Variants in TMEM80 observed in about 807,000 individuals in gnomAD.
The protein encoded by TMEM80 is transmembrane protein 80.
In TMEM80, 16 loss-of-function variants were observed where a neutral mutation model predicts 13.6. That is an observed-to-expected ratio of 1.17 (90% CI 0.79 to 1.78). TMEM80 has a LOEUF of 1.78. Ranked by LOEUF, TMEM80 falls within the 40% of genes most tolerant of loss-of-function variation. TMEM80 has a pLI of 0.00. For missense variants in TMEM80, 167 were observed against 184.6 expected, an observed-to-expected ratio of 0.90 and a Z score of 0.55; for synonymous variants, 92 against 89.5, an observed-to-expected ratio of 1.03 and a Z score of -0.16.
intron 3 of TMEM80, 148 bp downstream of exon 3, chr11:700,383 C>T (rs1432127854): frequency 3.5e-5 from 28 of 803,226 alleles, no homozygotes; most frequent in Middle Eastern, 3.6e-4. Context: ...AAAAAGTAGC[C>T]GGGCGTGGTG....
At chr11:699,154 G>A (rs1861333300) in intron 2 of TMEM80, 1 of 490,282 alleles carries the variant, frequency 2.0e-6, no homozygotes. Flanking sequence ...ACCTGCCTCT[G>A]TCTCGGCCGC....
chr11:696,563 G>A lies in TMEM80; in HGVS notation c.19+717G>A, dbSNP rs886553226. ...GGAAGCCGAGGCTGCAGGATCATTT[G>A]AGGCCAGCCTGGGCAACATAGCAAG... On this transcript the variant is annotated intron_variant, in intron 1 of 4. Transcript: ENST00000397510. 3.9e-5 allele frequency among the ~76,000 whole-genome samples: 6 copies of A among 152,100 alleles called. No individual in the cohort carries two copies. In the East Asian group the frequency reaches 1.2e-3, roughly 29 times the overall value.
At position 703,275 on chromosome 11, in the gene TMEM80, T is replaced by G; in HGVS notation, c.*125T>G. On this transcript the variant is annotated 3_prime_UTR_variant, in exon 5 of 5. Transcript: ENST00000397510. Reference sequence around the variant, plus strand: ...CCTAGTGACTGGCCATAGATGGTTTTGGATGGTTCCATCTGTTCTGGCAGG... The same window carrying G: ...CCTAGTGACTGGCCATAGATGGTTTGGGATGGTTCCATCTGTTCTGGCAGG... The G allele has an allele frequency of 6.9e-7, 1 of 1,445,424 alleles. No homozygotes were observed. The highest frequency in any genetic ancestry group is 2.5e-5 in the East Asian group (1 of 39,660). The allele number at this position is 1,445,424 out of a possible 1,614,324, so 89.5% of individuals were successfully genotyped here. A position where few individuals can be genotyped will look rare whatever the true frequency, so the allele number is the denominator to read the frequency against.
At chr11:702,840 G>C in intron 4 of TMEM80, 105 bp from the exon 5 acceptor site, 5 of 1,140,340 alleles carry the variant, frequency 4.4e-6, no homozygotes, top group Non-Finnish European at 6.2e-6. Context: ...GAGGAACGTA[G>C]GGCAAGGAGC....
At chr11:699,211 T>A in intron 2 of TMEM80, 1 of 431,932 alleles carries the variant, frequency 2.3e-6, no homozygotes, top group East Asian at 3.7e-5. Flanking sequence ...TAGATTCATT[T>A]TATTTTATTT....
intron 2 of TMEM80, chr11:699,852 G>A (rs7480436): frequency 0.63 from 220,035 of 351,486 alleles, 69,947 homozygotes; most frequent in East Asian, 0.78. Flanking sequence ...TGTGGAGGCT[G>A]TCCCCTGACC....
chr11:699,926 G>C (rs896388437), intron 2 of TMEM80: 1 of 549,726 alleles, frequency 1.8e-6, no homozygotes, highest in East Asian at 3.1e-5. Flanking sequence ...GTGGCATGGA[G>C]GGGGGTCCCA....
At position 700,228 on chromosome 11, in the gene TMEM80, G is replaced by A. The variant is rs201741407; in HGVS notation, c.126G>A (p.Thr42=). The part of the protein sequence containing the change: ...LYFLATLLMI[T]YKSQVFSYPH... ...TCCTCGCCACGCTCCTGATGATCACGTATAAAAGTAAGTCAGGGACGGGCA... is the reference window on the plus strand; with the variant it reads ...TCCTCGCCACGCTCCTGATGATCACATATAAAAGTAAGTCAGGGACGGGCA... Residue 42 remains threonine, a synonymous_variant, in exon 3 of 5, where the codon ACG becomes ACA. Coordinates refer to ENST00000397510, the MANE Select transcript of TMEM80 (RefSeq NM_001042463.3). 19 of 1,613,210 alleles carry A rather than the reference G, an allele frequency of 1.2e-5. No individual in the cohort carries two copies. In the African/African-American group the frequency reaches 1.2e-4, roughly 10 times the overall value.
In TMEM80 at chr11:700,647, G is replaced by C; in HGVS notation, c.166G>C (p.Val56Leu). The C allele has an allele frequency of 6.2e-7, 1 of 1,614,132 alleles. No homozygotes were observed. Among genetic ancestry groups the C allele is most frequent in the East Asian group, 2.2e-5 (1 of 44,892 alleles). ...QVFSYPHRYL[V>L]LDLALLFLMG... ...GTTCAGCTATCCTCACCGCTACCTG[G>C]TCCTCGATCTTGCTCTGCTGTTTCT... Residue 56 changes from valine to leucine, a missense_variant, in exon 4 of 5, where the codon GTC (valine) becomes CTC (leucine). Val to Leu is a conservative substitution (Grantham distance 32). Coordinates refer to ENST00000397510, the MANE Select transcript of TMEM80 (RefSeq NM_001042463.3).
rs1295467094 is a variant in TMEM80 at position 697,015 on chromosome 11, T to G, written c.19+1169T>G. On this transcript the variant is annotated intron_variant, in intron 1 of 4. Transcript: ENST00000397510. ...AATTGCTCGAACCCGGTGGTGGTGG[T>G]GGGGGGGGTGGGGTGCGGAGGTTGC... Among the ~76,000 whole-genome samples, 191 of 73,092 alleles carry G rather than the reference T, an allele frequency of 2.6e-3. 1 individual carries two copies. Among genetic ancestry groups the G allele is most frequent in the East Asian group, 0.025 (56 of 2,212 alleles). The allele number at this position is 73,092 out of a possible 152,430, so 48.0% of individuals were successfully genotyped here.
At chr11:701,652 G>A (rs541207954) in intron 4 of TMEM80, among the ~76,000 whole-genome samples, 17 of 151,750 alleles carry the variant, frequency 1.1e-4, no homozygotes, top group African/African-American at 3.9e-4. Flanking sequence ...CTCCTGATCC[G>A]CCCACCTCGG....
Position 698,891 on chromosome 11 carries a change from A to T in TMEM80, c.39+3A>T. On this transcript the variant is annotated splice_donor_region_variant and intron_variant, in intron 2 of 4. Coordinates refer to ENST00000397510, the MANE Select transcript of TMEM80 (RefSeq NM_001042463.3). ...CAGGGAGAGGATCCTCCACAGTGGT[A>T]TCCTGCTGCGTGCCCCTCCAGGACA... 1 of 1,614,104 alleles carries T rather than the reference A, an allele frequency of 6.2e-7. No homozygotes were observed. The highest frequency in any genetic ancestry group is 1.1e-5 in the South Asian group (1 of 91,086).
At chr11:702,501 A>G (rs975184554) in intron 4 of TMEM80, among the ~76,000 whole-genome samples, 4 of 152,202 alleles carry the variant, frequency 2.6e-5, no homozygotes, top group African/African-American at 7.2e-5. Flanking sequence ...TTTGTTTGCT[A>G]AATACGCAGT....
At chr11:696,851 G>A (rs2133449590) in intron 1 of TMEM80, among the ~76,000 whole-genome samples, 1 of 99,538 alleles carries the variant, frequency 1.0e-5, no homozygotes, top group Non-Finnish European at 2.2e-5. Context: ...AGGCCAAAGC[G>A]GGCGGATCAC....
intron 1 of TMEM80, among the ~76,000 whole-genome samples, chr11:696,315 C>T (rs1861154969): frequency 1.3e-5 from 2 of 152,052 alleles, no homozygotes; most frequent in African/African-American, 4.8e-5. Flanking sequence ...CCGCCTTCTG[C>T]TGTCTGTGGG....
chr11:700,744 A>G (rs1040811847), intron 4 of TMEM80, 37 bp downstream of exon 4: 1 of 1,542,790 alleles, frequency 6.5e-7, no homozygotes. Flanking sequence ...AACCTGTCCT[A>G]AGAGTTGCTA....
rs1564963811 is a variant in TMEM80, at chr11:702,949, C to T, written c.231C>T (p.Thr77=). ...ILEAVRLYLG[T]RGNLTEAERP... The stretch of plus-strand genomic sequence containing the variant: ...CCCCTTTGCTCTGTTCTCCAGGCAC[C>T]AGGGGCAACCTGACAGAGGCTGAGA... Residue 77 remains threonine, a synonymous_variant, in exon 5 of 5, where the codon ACC becomes ACT. Transcript: ENST00000397510. 6.2e-7 allele frequency: 1 copy of T among 1,606,032 alleles called. No homozygotes were observed. The highest frequency in any genetic ancestry group is 1.7e-5 in the Admixed American group (1 of 59,782).
At chr11:701,149 C>T (rs772037644) in intron 4 of TMEM80, 68 of 201,900 alleles carry the variant, frequency 3.4e-4, no homozygotes, top group Non-Finnish European at 6.2e-4. Flanking sequence ...CCCACTCCAG[C>T]TCTAGGGATC....
At chr11:697,055 G>A (rs1257901847) in intron 1 of TMEM80, among the ~76,000 whole-genome samples, 1 of 150,156 alleles carries the variant, frequency 6.7e-6, no homozygotes, top group South Asian at 2.1e-4. Context: ...GGCCAAGATC[G>A]CACCATTGCA....
Sources: allele counts gnomAD v4.1 joint callset (sites outside exome capture counted in the v4.1 genomes callset), GRCh38; gene constraint gnomAD v4.1.1; transcripts MANE v1.5; gene names NCBI Gene and HGNC (gene_info 2026-07-23, HGNC 2026-07-21).